The following ZBTB38 variants were observed in gnomAD, a reference collection of about 807,000 sequenced individuals.
ZBTB38 encodes zinc finger and BTB domain containing 38.
A neutral mutation model predicts 76.8 loss-of-function variants in ZBTB38; 20 were observed. The ratio of observed to expected loss-of-function variants is 0.26; its 90% CI spans 0.18 to 0.38. The LOEUF (loss-of-function observed/expected upper bound fraction) is 0.38. ZBTB38 is among the 10% of genes least tolerant of loss of function. The pLI, the probability that ZBTB38 is intolerant of heterozygous loss-of-function variation, is 1.00. For synonymous variants in ZBTB38, 504 were observed against 544.2 expected, an observed-to-expected ratio of 0.93 and a Z score of 1.03; for missense variants, 1,082 against 1,482.3, an observed-to-expected ratio of 0.73 and a Z score of 4.43.
chr3:141,357,743 T>A (rs1943707974), intron 1 of ZBTB38, among the ~76,000 whole-genome samples: 1 of 152,188 alleles, frequency 6.6e-6, no homozygotes, highest in South Asian at 2.1e-4. Context: ...CACCTCAGCC[T>A]CCCAAAGTGC....
chr3:141,355,109 G>A (rs142131190), intron 1 of ZBTB38, among the ~76,000 whole-genome samples: 45 of 152,178 alleles, frequency 3.0e-4, no homozygotes, highest in African/African-American at 1.0e-3. Context: ...ATGAGAGGAA[G>A]GAGAGTTGAG....
chr3:141,393,478 G>A (rs1284615126), intron 4 of ZBTB38, among the ~76,000 whole-genome samples: 1 of 152,112 alleles, frequency 6.6e-6, no homozygotes, highest in Non-Finnish European at 1.5e-5. Context: ...CTTGAACTGA[G>A]GAAGGGAAGA....
intron 5 of ZBTB38, among the ~76,000 whole-genome samples, chr3:141,439,530 A>G (rs979802928): frequency 3.9e-5 from 6 of 152,236 alleles, no homozygotes; most frequent in Non-Finnish European, 7.3e-5. Flanking sequence ...ACAATCTGAG[A>G]GAAGAATCAG....
chr3:141,407,525 C>T (rs944295464), intron 5 of ZBTB38, among the ~76,000 whole-genome samples: 4 of 152,196 alleles, frequency 2.6e-5, no homozygotes, highest in African/African-American at 9.7e-5. Flanking sequence ...CACGTAAAGC[C>T]TTATCTTTAA....
chr3:141,362,934 G>T (rs1304536953), intron 1 of ZBTB38, among the ~76,000 whole-genome samples: 1 of 152,088 alleles, frequency 6.6e-6, no homozygotes, highest in Non-Finnish European at 1.5e-5. Context: ...TCTGAATAGG[G>T]TTACATATGC....
At chr3:141,399,340 G>T (rs1951157922) in intron 4 of ZBTB38, among the ~76,000 whole-genome samples, 1 of 152,108 alleles carries the variant, frequency 6.6e-6, no homozygotes, top group Admixed American at 6.5e-5. Context: ...CCCATAAGCA[G>T]TTTCACACAT....
chr3:141,344,700 C>T (rs139722953), intron 1 of ZBTB38, among the ~76,000 whole-genome samples: 19 of 152,324 alleles, frequency 1.2e-4, no homozygotes, highest in African/African-American at 4.6e-4. Context: ...CAGCATTGTG[C>T]ATTTCTCTGA....
chr3:141,429,872 G>A (rs2077111452), intron 5 of ZBTB38, among the ~76,000 whole-genome samples: 1 of 152,168 alleles, frequency 6.6e-6, no homozygotes, highest in Non-Finnish European at 1.5e-5. Context: ...GGGAGCCTGT[G>A]TGCCTGAGCA....
intron 5 of ZBTB38, among the ~76,000 whole-genome samples, chr3:141,431,564 G>A (rs1279872591): frequency 6.6e-6 from 1 of 151,860 alleles, no homozygotes; most frequent in African/African-American, 2.4e-5. Flanking sequence ...AGAAACCCAG[G>A]ACCTTTTCCC....
chr3:141,437,794 T>A (rs1021986402), intron 5 of ZBTB38, among the ~76,000 whole-genome samples: 14 of 152,360 alleles, frequency 9.2e-5, no homozygotes, highest in Non-Finnish European at 2.1e-4. Flanking sequence ...CCCAGGTGAT[T>A]TTGATGCCTG....
chr3:141,357,674 CA>C (rs1335113203), intron 1 of ZBTB38, among the ~76,000 whole-genome samples: 2 of 152,218 alleles, frequency 1.3e-5, no homozygotes, highest in African/African-American at 4.8e-5. Flanking sequence ...GGACTACAGG[CA>C]CCCGCCACCA....
chr3:141,445,198 T>G lies in ZBTB38; in HGVS notation c.2810T>G (p.Val937Gly). Residue 937 changes from valine (V) to glycine (G), a missense_variant, in exon 6 of 6, where the codon GTC (valine) becomes GGC (glycine). Transcript: ENST00000321464. This position sits in a 1 kb window ranked among gnomAD's most constrained non-coding sequence, Gnocchi z 6.5. ...AGACAGTTGAAAAAAATGAGGAAAGTCAACTGGAGGAAGGAGCACGGAAAC... is the reference window on the plus strand; with the variant it reads ...AGACAGTTGAAAAAAATGAGGAAAGGCAACTGGAGGAAGGAGCACGGAAAC... ...KSRQLKKMRK[V>G]NWRKEHGNRS... The G allele has an allele frequency of 6.2e-7, 1 of 1,612,868 alleles. No individual in the cohort carries two copies. The highest frequency in any genetic ancestry group is 8.5e-7 in the Non-Finnish European group (1 of 1,179,714).
chr3:141,371,506 A>AT (rs56108945), intron 2 of ZBTB38, among the ~76,000 whole-genome samples: 6,782 of 151,984 alleles, frequency 0.045, 188 homozygotes, highest in Non-Finnish European at 0.058. Flanking sequence ...TGCCTGGCTA[A>AT]TTTTTGTATT....
At chr3:141,441,119 TG>T (rs1176751880) in intron 5 of ZBTB38, among the ~76,000 whole-genome samples, 19 of 150,554 alleles carry the variant, frequency 1.3e-4, no homozygotes, top group Non-Finnish European at 1.0e-4. Context: ...TAAGGGTGAG[TG>T]TTAATTTCAT....
chr3:141,401,611 A>AT (rs10935429), intron 4 of ZBTB38, among the ~76,000 whole-genome samples: 100,232 of 146,602 alleles, frequency 0.68, 36,619 homozygotes, highest in East Asian at 0.91. Context: ...GTGGCCTTGA[A>AT]TTTTTTTTTT....
upstream of ZBTB38, among the ~76,000 whole-genome samples, chr3:141,364,140 A>C (rs1362511241): frequency 1.3e-5 from 2 of 151,930 alleles, no homozygotes; most frequent in African/African-American, 4.8e-5. Context: ...TAAAAAAAAA[A>C]ATTAGGCCGA....
At chr3:141,381,658 A>C (rs1946211420) in intron 3 of ZBTB38, among the ~76,000 whole-genome samples, 171 bp downstream of exon 3, 1 of 152,180 alleles carries the variant, frequency 6.6e-6, no homozygotes, top group South Asian at 2.1e-4. Flanking sequence ...TTCCTCTCCT[A>C]TTCCCAGGTA....
chr3:141,427,194 T>C (rs2076567588), intron 5 of ZBTB38, among the ~76,000 whole-genome samples: 1 of 152,200 alleles, frequency 6.6e-6, no homozygotes, highest in African/African-American at 2.4e-5. Context: ...ACAATTATTA[T>C]GTGGCAGTTG....
intron 1 of ZBTB38, among the ~76,000 whole-genome samples, chr3:141,341,884 A>G (rs935414434): frequency 6.6e-6 from 1 of 152,186 alleles, no homozygotes; most frequent in African/African-American, 2.4e-5. Context: ...ATTTGTTGTT[A>G]ATTTTCTTGG....
Sources: allele counts gnomAD v4.1 joint callset (sites outside exome capture counted in the v4.1 genomes callset), GRCh38; gene constraint gnomAD v4.1.1; non-coding constraint Gnocchi (gnomAD v3.1); transcripts MANE v1.5; gene names NCBI Gene and HGNC (gene_info 2026-07-23, HGNC 2026-07-21).